The following ZNF676 variants were observed in gnomAD, a reference collection of about 807,000 sequenced individuals.
ZNF676 encodes zinc finger protein 676.
In ZNF676, 4 loss-of-function variants were observed where a neutral mutation model predicts 6.0. That is an observed-to-expected ratio of 0.67 (90% CI 0.33 to 1.53). ZNF676 has a LOEUF of 1.53. Among genes scored for constraint, ZNF676 ranks in the 40% most tolerant of loss-of-function variants. The probability of loss-of-function intolerance (pLI) is 0.06; values close to 1 mark genes in which losing one functional copy is unlikely to be tolerated. For missense variants in ZNF676, 644 were observed against 679.7 expected, an observed-to-expected ratio of 0.95 and a Z score of 0.58; for synonymous variants, 198 against 223.1, an observed-to-expected ratio of 0.89 and a Z score of 1.00.
chr19:22,207,943 C>G (rs528590816), intron 1 of ZNF676, among the ~76,000 whole-genome samples: 1 of 141,482 alleles, frequency 7.1e-6, no homozygotes, highest in South Asian at 2.3e-4. Flanking sequence ...AAAATCAACT[C>G]AAGGTAAATG....
upstream of ZNF676, among the ~76,000 whole-genome samples, chr19:22,219,627 T>C (rs2024228054): frequency 6.6e-6 from 1 of 152,072 alleles, no homozygotes; most frequent in Non-Finnish European, 1.5e-5. Context: ...TTTTTCCTGT[T>C]CAGTGTAATG....
intron 1 of ZNF676, among the ~76,000 whole-genome samples, chr19:22,207,121 A>G (rs2144808943): frequency 6.6e-6 from 1 of 152,312 alleles, no homozygotes; most frequent in East Asian, 1.9e-4. Context: ...TAAAAATAAA[A>G]GGCATCCAAA....
chr19:22,254,108 G>A, the ZNF676 span, among the ~76,000 whole-genome samples: 1 of 152,138 alleles, frequency 6.6e-6, no homozygotes, highest in Non-Finnish European at 1.5e-5. Context: ...ATAGGTTTTT[G>A]GCAAAGATAT....
At chr19:22,210,134 A>C (rs544259279) in intron 1 of ZNF676, among the ~76,000 whole-genome samples, 1 of 152,312 alleles carries the variant, frequency 6.6e-6, no homozygotes, top group South Asian at 2.1e-4. Flanking sequence ...AGAGGAGAGC[A>C]GAGCTTCCCA....
chr19:22,241,457 A>G, the ZNF676 span, among the ~76,000 whole-genome samples: 1 of 151,874 alleles, frequency 6.6e-6, no homozygotes, highest in Non-Finnish European at 1.5e-5. Context: ...TCAGAGCCAC[A>G]TATAAGAGTT....
At chr19:22,221,537 G>A in the ZNF676 span, among the ~76,000 whole-genome samples, 3 of 152,072 alleles carry the variant, frequency 2.0e-5, no homozygotes, top group Non-Finnish European at 4.4e-5. Context: ...GATAACCTGA[G>A]GTCAGGAGTT....
chr19:22,241,271 A>T, the ZNF676 span, among the ~76,000 whole-genome samples: 1 of 151,956 alleles, frequency 6.6e-6, no homozygotes, highest in Non-Finnish European at 1.5e-5. Context: ...AGTTTCAGGT[A>T]TGAGAGTCAA....
intron 2 of ZNF676, among the ~76,000 whole-genome samples, chr19:22,184,121 G>C (rs1455776083): frequency 6.6e-6 from 1 of 152,170 alleles, no homozygotes; most frequent in Non-Finnish European, 1.5e-5. Flanking sequence ...GACTGACACA[G>C]AAGGTGGGTG....
At chr19:22,239,478 C>T in the ZNF676 span, among the ~76,000 whole-genome samples, 1 of 152,070 alleles carries the variant, frequency 6.6e-6, no homozygotes, top group South Asian at 2.1e-4. Flanking sequence ...CTGTGCCTGC[C>T]CCAAACTGTG....
intron 1 of ZNF676, 101 bp from the exon 2 acceptor site, chr19:22,193,212 CATTT>C: frequency 8.0e-7 from 1 of 1,248,802 alleles, no homozygotes; most frequent in Non-Finnish European, 1.1e-6. Context: ...TATTCTAATA[CATTT>C]ATCCCAAAAT....
the ZNF676 span, among the ~76,000 whole-genome samples, chr19:22,251,030 C>G: frequency 6.6e-6 from 1 of 152,094 alleles, no homozygotes; most frequent in African/African-American, 2.4e-5. Flanking sequence ...CTCTTTCTGA[C>G]AGAATCAGGA....
At chr19:22,241,531 A>G in the ZNF676 span, among the ~76,000 whole-genome samples, 2 of 151,868 alleles carry the variant, frequency 1.3e-5, no homozygotes, top group Non-Finnish European at 2.9e-5. Context: ...GTCTGTGTTC[A>G]TGTGGAAGGA....
chr19:22,248,474 TTAA>T, the ZNF676 span, among the ~76,000 whole-genome samples: 2 of 152,168 alleles, frequency 1.3e-5, no homozygotes, highest in Non-Finnish European at 2.9e-5. Context: ...ACCCTAGAAC[TTAA>T]AGTATTTTAT....
intron 1 of ZNF676, among the ~76,000 whole-genome samples, chr19:22,207,034 G>C (rs2024083571): frequency 6.6e-6 from 1 of 152,114 alleles, no homozygotes; most frequent in Non-Finnish European, 1.5e-5. Flanking sequence ...ACTGGCACAA[G>C]ACAAGGATGC....
chr19:22,201,265 C>A (rs549423608), upstream of ZNF676, among the ~76,000 whole-genome samples: 42 of 152,248 alleles, frequency 2.8e-4, no homozygotes, highest in East Asian at 7.5e-3. Context: ...CCATCAGATT[C>A]TATTTACTCC....
rs183232017 is a variant in ZNF676 at position 22,210,244 on chromosome 19, C to A, written c.3+5388G>T. 7.7e-4 allele frequency among the ~76,000 whole-genome samples: 118 copies of A among 152,262 alleles called. 2 individuals are homozygous for A. Among genetic ancestry groups the A allele is most frequent in the African/African-American group, 2.6e-3 (110 of 41,546 alleles). Reference sequence around the variant, plus strand: ...TTGATGAACACCAACAATTCTCCAACAGCAACTCATTGTCTAACACTTGAA... The same window carrying A: ...TTGATGAACACCAACAATTCTCCAAAAGCAACTCATTGTCTAACACTTGAA... On this transcript the variant is annotated intron_variant, in intron 1 of 3. Transcript: ENST00000650058.
Position 22,180,226 on chromosome 19 carries a change from T to C in ZNF676, c.1491A>G (p.Ile497Met). ...STFSILTKHK[I>M]IHTGEKRYKC... The stretch of plus-strand genomic sequence containing the variant: ...TGTAGCGTTTCTCTCCAGTATGAAT[T>C]ATCTTATGTTTAGTAAGGATTGAGA... The change falls in exon 3 of 3, where the codon ATA becomes ATG. Residue 497 changes from isoleucine to methionine, a missense_variant. Ile to Met is a conservative substitution (Grantham distance 10). Coordinates refer to ENST00000397121, the MANE Select transcript of ZNF676 (RefSeq NM_001001411.3). The C allele has an allele frequency of 6.2e-7, 1 of 1,613,600 alleles. No homozygotes were observed. The highest frequency in any genetic ancestry group is 8.5e-7 in the Non-Finnish European group (1 of 1,179,860).
chr19:22,210,649 C>T (rs192003858), intron 1 of ZNF676, among the ~76,000 whole-genome samples: 48 of 152,256 alleles, frequency 3.2e-4, no homozygotes, highest in Admixed American at 2.6e-3. Context: ...AACACCCTTC[C>T]CATTGTGACT....
At chr19:22,224,327 T>C in the ZNF676 span, among the ~76,000 whole-genome samples, 1 of 151,952 alleles carries the variant, frequency 6.6e-6, no homozygotes, top group East Asian at 1.9e-4. Flanking sequence ...ATTCTGTTTG[T>C]ACACTTTAAG....
Sources: gnomAD v4.1 joint callset for allele counts (sites outside exome capture counted in the v4.1 genomes callset) on GRCh38, gnomAD v4.1.1 for gene constraint, MANE v1.5 for transcripts, NCBI Gene and HGNC (gene_info 2026-07-23, HGNC 2026-07-21) for gene names.